Variants in WBP1L observed in about 807,000 individuals in gnomAD.
The protein encoded by WBP1L is WW domain binding protein 1 like, also known as WW domain binding protein 1-like.
Under a neutral mutation model 33.7 loss-of-function variants are expected in WBP1L, and 17 were observed. The ratio of observed to expected loss-of-function variants is 0.50; its 90% CI spans 0.34 to 0.76. WBP1L has a LOEUF of 0.76. WBP1L is among the 30% of genes least tolerant of loss of function. WBP1L has a pLI of 0.01. For missense variants in WBP1L, 389 were observed against 469.4 expected (o/e 0.83, Z 1.58); for synonymous variants, 173 against 190.8 (o/e 0.91, Z 0.77).
At chr10:102,763,249 C>T (rs1381965649) in intron 1 of WBP1L, among the ~76,000 whole-genome samples, 1 of 147,370 alleles carries the variant, frequency 6.8e-6, no homozygotes, top group Non-Finnish European at 1.5e-5. Context: ...CTGAAAGACA[C>T]TGGAGAGATA....
chr10:102,744,186 T>C (rs1261084467), intron 1 of WBP1L, 43 bp downstream of exon 1: 1 of 1,516,158 alleles, frequency 6.6e-7, no homozygotes, highest in South Asian at 1.2e-5. Flanking sequence ...GTCCTGGGGG[T>C]CGTCGAGGCC....
intron 2 of WBP1L, among the ~76,000 whole-genome samples, chr10:102,801,482 T>C (rs1843656470): frequency 6.6e-6 from 1 of 152,176 alleles, no homozygotes; most frequent in Admixed American, 6.5e-5. Context: ...TGCTGTGACC[T>C]CCTCTGGGCT....
intron 1 of WBP1L, among the ~76,000 whole-genome samples, chr10:102,760,268 T>G (rs1465913893): frequency 6.6e-6 from 1 of 152,152 alleles, no homozygotes; most frequent in Non-Finnish European, 1.5e-5. Flanking sequence ...CTGGGCTCGG[T>G]CAGGGCTCTG....
rs920600875 is a variant in WBP1L at position 102,810,154 on chromosome 10, G to A, written c.355+100G>A. The A allele has an allele frequency of 6.8e-6, 10 of 1,467,718 alleles. No individual in the cohort carries two copies. The African/African-American group carries it at 1.1e-4, about 17-fold the overall frequency. 90.9% of individuals were successfully genotyped at this position (1,467,718 alleles called of 1,614,324 possible). A position where few individuals can be genotyped will look rare whatever the true frequency, so the allele number is the denominator to read the frequency against. The stretch of plus-strand genomic sequence containing the variant: ...GTGGCCAGGCTCCTGTAGGCATAGG[G>A]GGTTTGTCCTCTCCCTGCCCCTCCG... On this transcript the variant is annotated intron_variant, in intron 3 of 3. Coordinates refer to ENST00000448841, the MANE Select transcript of WBP1L (RefSeq NM_001083913.2).
intron 1 of WBP1L, among the ~76,000 whole-genome samples, chr10:102,773,689 C>T (rs1843219604): frequency 6.6e-6 from 1 of 151,372 alleles, no homozygotes; most frequent in Non-Finnish European, 1.5e-5. Flanking sequence ...AGAGTTCAAG[C>T]CTGGACAACA....
At chr10:102,754,407 C>CT (rs1309681898) in intron 1 of WBP1L, among the ~76,000 whole-genome samples, 6 of 151,992 alleles carry the variant, frequency 3.9e-5, no homozygotes, top group African/African-American at 1.2e-4. Context: ...TACCTTTCAC[C>CT]TTTTTTTTGG....
Position 102,799,571 on chromosome 10 carries a change from C to T in WBP1L, c.193+1476C>T, listed in dbSNP as rs565309462. On this transcript the variant is annotated intron_variant, in intron 2 of 3. Coordinates refer to ENST00000448841, the MANE Select transcript of WBP1L (RefSeq NM_001083913.2). ...GTTGGGGGGGTGGTGCTTAGGACAG[C>T]GAGGCCCCAGGTGACTGACATTGCC... Among the ~76,000 whole-genome samples, 31 of 152,118 alleles carry T rather than the reference C, an allele frequency of 2.0e-4. No individual in the cohort carries two copies. The East Asian group carries it at 4.3e-3, about 21-fold the overall frequency.
At chr10:102,794,060 C>T (rs1431494950) in intron 1 of WBP1L, among the ~76,000 whole-genome samples, 2 of 152,118 alleles carry the variant, frequency 1.3e-5, no homozygotes, top group East Asian at 1.9e-4. Context: ...CGTGACCCAC[C>T]ACACCTGGCC....
intron 1 of WBP1L, among the ~76,000 whole-genome samples, chr10:102,749,240 G>C (rs73346566): frequency 0.032 from 4,795 of 151,962 alleles, 275 homozygotes; most frequent in African/African-American, 0.11. Flanking sequence ...ATTTAATTTT[G>C]AAACATATTT....
chr10:102,805,402 G>A (rs1843716876), intron 2 of WBP1L, among the ~76,000 whole-genome samples: 2 of 151,808 alleles, frequency 1.3e-5, no homozygotes, highest in African/African-American at 2.4e-5. Context: ...AAAATGACTG[G>A]TGGCCAGGTA....
At chr10:102,751,078 G>A (rs1842920091) in intron 1 of WBP1L, among the ~76,000 whole-genome samples, 1 of 151,962 alleles carries the variant, frequency 6.6e-6, no homozygotes, top group Admixed American at 6.6e-5. Context: ...TTGGCTCACT[G>A]CAACCTCTGC....
intron 2 of WBP1L, among the ~76,000 whole-genome samples, chr10:102,806,202 C>T (rs1312817203): frequency 6.7e-6 from 1 of 150,248 alleles, no homozygotes; most frequent in Non-Finnish European, 1.5e-5. Context: ...AGAATGAGAC[C>T]CTGTCTCAAA....
intron 1 of WBP1L, among the ~76,000 whole-genome samples, chr10:102,796,576 G>A (rs1195844878): frequency 2.6e-5 from 4 of 152,212 alleles, no homozygotes; most frequent in Non-Finnish European, 4.4e-5. Context: ...GCTGTCCGCC[G>A]GATGTGCACT....
Position 102,809,909 on chromosome 10 carries a change from G to A in WBP1L, c.210G>A (p.Trp70Ter). ...ACCCCCCAGGGTTCTGGCTGGTGTG[G>A]ACCATCATCATCATCCTGAGCTGCT... ...YYELWWFWLV[W>*]TIIIILSCCC... is the part of the protein sequence containing the mutation. The change falls in exon 3 of 4, where the codon TGG (tryptophan) becomes TGA (stop). Residue 70 changes from tryptophan to a stop codon, truncating the protein, a stop_gained. Transcript: ENST00000448841. LOFTEE classifies it high-confidence loss of function. 6.2e-7 allele frequency: 1 copy of A among 1,612,942 alleles called. No homozygotes were observed. The highest frequency in any genetic ancestry group is 1.7e-4 in the Middle Eastern group (1 of 6,052).
intron 1 of WBP1L, chr10:102,776,147 C>T: frequency 7.9e-6 from 11 of 1,396,432 alleles, no homozygotes; most frequent in Non-Finnish European, 9.3e-6. Flanking sequence ...GGCTTTGCTG[C>T]GTCTGAGATA....
chr10:102,748,173 G>A (rs983413828), intron 1 of WBP1L, among the ~76,000 whole-genome samples: 3 of 151,862 alleles, frequency 2.0e-5, no homozygotes, highest in Non-Finnish European at 4.4e-5. Flanking sequence ...GGAGAATGGC[G>A]TGAACCTGGG....
At chr10:102,760,564 C>G (rs1843026087) in intron 1 of WBP1L, among the ~76,000 whole-genome samples, 1 of 151,782 alleles carries the variant, frequency 6.6e-6, no homozygotes, top group African/African-American at 2.4e-5. Flanking sequence ...TTAGTAGAGA[C>G]GGGGTTTCTC....
At chr10:102,794,535 T>G (rs1843546915) in intron 1 of WBP1L, among the ~76,000 whole-genome samples, 1 of 152,052 alleles carries the variant, frequency 6.6e-6, no homozygotes, top group Non-Finnish European at 1.5e-5. Context: ...TAACCAGACC[T>G]AGGGCCATTG....
At chr10:102,778,970 A>G (rs1004011213) in intron 1 of WBP1L, among the ~76,000 whole-genome samples, 5 of 152,158 alleles carry the variant, frequency 3.3e-5, no homozygotes, top group African/African-American at 1.2e-4. Context: ...TTTGCCCAGC[A>G]TTGCTCAATT....
Sources: allele counts gnomAD v4.1 joint callset (sites outside exome capture counted in the v4.1 genomes callset), GRCh38; gene constraint gnomAD v4.1.1; transcripts MANE v1.5; gene names NCBI Gene and HGNC (gene_info 2026-07-23, HGNC 2026-07-21).